Variants in SPTLC2 observed in about 807,000 individuals in gnomAD.
SPTLC2 encodes serine palmitoyltransferase 2.
Under a neutral mutation model 62.0 loss-of-function variants are expected in SPTLC2, and 21 were observed. The observed-to-expected ratio is 0.34, with a 90% CI of 0.24 to 0.49. The LOEUF is 0.49. Ranked by LOEUF, SPTLC2 falls within the 20% of genes least tolerant of loss-of-function variation. The pLI, the probability that SPTLC2 is intolerant of heterozygous loss-of-function variation, is 0.99. For missense variants in SPTLC2, 511 were observed against 713.0 expected, an observed-to-expected ratio of 0.72 and a Z score of 3.23; for synonymous variants, 261 against 261.8, an observed-to-expected ratio of 1.00 and a Z score of 0.03.
chr14:77,582,061 A>T (rs61192964), intron 2 of SPTLC2, among the ~76,000 whole-genome samples: 3,900 of 149,414 alleles, frequency 0.026, 144 homozygotes, highest in African/African-American at 0.09. Context: ...AAAAAAAAAA[A>T]TTTTTTTTTG....
Position 77,551,975 on chromosome 14 carries a change from C to A in SPTLC2, c.1303+121G>T, listed in dbSNP as rs1369628160. 4 of 1,451,322 alleles carry A rather than the reference C, an allele frequency of 2.8e-6. No homozygotes were observed. In the African/African-American group the frequency reaches 5.6e-5, roughly 20 times the overall value. The allele number at this position is 1,451,322 out of a possible 1,614,324, so 89.9% of individuals were successfully genotyped here. ...TAAAAAAGTGTCCATGGAAACCACA[C>A]ACCAGCCAGCTCTGCCTATTAGTAA... On this transcript the variant is annotated intron_variant, in intron 9 of 11. Transcript: ENST00000216484.
At chr14:77,605,055 A>C (rs1343571489) in intron 1 of SPTLC2, among the ~76,000 whole-genome samples, 1 of 152,132 alleles carries the variant, frequency 6.6e-6, no homozygotes, top group African/African-American at 2.4e-5. Context: ...GTTGCTGCCC[A>C]AGCTGGAGTA....
At chr14:77,550,585 A>G (rs28406314) in intron 9 of SPTLC2, among the ~76,000 whole-genome samples, 1 of 146,764 alleles carries the variant, frequency 6.8e-6, no homozygotes, top group Non-Finnish European at 1.5e-5. Flanking sequence ...CAAAAGAAAG[A>G]AAAGGAAAGG....
intron 1 of SPTLC2, among the ~76,000 whole-genome samples, chr14:77,614,420 T>C (rs956808465): frequency 6.6e-6 from 1 of 152,114 alleles, no homozygotes; most frequent in Admixed American, 6.5e-5. Context: ...ATCCCAGCAC[T>C]CTGGGAGGCC....
chr14:77,536,342 C>T (rs963133549), intron 9 of SPTLC2, among the ~76,000 whole-genome samples: 2 of 151,638 alleles, frequency 1.3e-5, no homozygotes, highest in African/African-American at 4.8e-5. Context: ...ACACTGTTTG[C>T]TCACTGTAGG....
chr14:77,535,586 T>C (rs1045858399), intron 9 of SPTLC2: 2 of 165,084 alleles, frequency 1.2e-5, no homozygotes, highest in Non-Finnish European at 2.6e-5. Context: ...CAGACAGAAG[T>C]GTTACAAACA....
chr14:77,567,132 G>T (rs1190404394), intron 5 of SPTLC2, among the ~76,000 whole-genome samples: 1 of 151,892 alleles, frequency 6.6e-6, no homozygotes, highest in East Asian at 1.9e-4. Context: ...CACCACGCCC[G>T]GCTAATTTGT....
intron 9 of SPTLC2, among the ~76,000 whole-genome samples, chr14:77,528,745 A>C (rs1179135103): frequency 6.6e-6 from 1 of 152,162 alleles, no homozygotes; most frequent in South Asian, 2.1e-4. Context: ...GTTATTTCAT[A>C]TCTCTTTCAT....
chr14:77,524,207 C>A (rs961725827), intron 9 of SPTLC2, among the ~76,000 whole-genome samples: 1 of 152,016 alleles, frequency 6.6e-6, no homozygotes, highest in Non-Finnish European at 1.5e-5. Flanking sequence ...GTATGAAACT[C>A]TAAAAAGACA....
intron 2 of SPTLC2, among the ~76,000 whole-genome samples, chr14:77,589,939 T>C (rs2079806489): frequency 6.6e-6 from 1 of 150,460 alleles, no homozygotes; most frequent in African/African-American, 2.5e-5. Flanking sequence ...GATCATGCGA[T>C]TGCACTCCAG....
intron 1 of SPTLC2, among the ~76,000 whole-genome samples, chr14:77,607,740 T>C (rs2079912602): frequency 6.6e-6 from 1 of 152,224 alleles, no homozygotes; most frequent in Non-Finnish European, 1.5e-5. Context: ...TTATATGGGT[T>C]TCCTCTACTA....
chr14:77,607,303 G>A (rs1204702983), intron 1 of SPTLC2, among the ~76,000 whole-genome samples: 1 of 152,268 alleles, frequency 6.6e-6, no homozygotes, highest in East Asian at 1.9e-4. Flanking sequence ...TCATGGGAAA[G>A]CTAAATATCA....
Position 77,512,336 on chromosome 14 carries a change from G to A in SPTLC2, c.1637C>T (p.Pro546Leu), listed in dbSNP as rs780325843. 5 of 1,614,214 alleles carry A rather than the reference G, an allele frequency of 3.1e-6. No homozygotes were observed. Among genetic ancestry groups the A allele is most frequent in the Non-Finnish European group, 4.2e-6 (5 of 1,180,044 alleles). ...QLKYSRHRLVPLLDRPFDETT... is the reference protein window; with the variant it reads ...QLKYSRHRLVLLLDRPFDETT... ...CTCGTCAAAGGGCCTGTCCAGTAGAGGTACCAACCGATGACGGGAATACTT... is the reference window on the plus strand; with the variant it reads ...CTCGTCAAAGGGCCTGTCCAGTAGAAGTACCAACCGATGACGGGAATACTT... The change falls in exon 12 of 12, where the codon CCT (proline) becomes CTT (leucine). Residue 546 changes from proline to leucine, a missense_variant. Coordinates refer to ENST00000216484, the MANE Select transcript of SPTLC2 (RefSeq NM_004863.4).
chr14:77,564,526 G>A (rs1366921608), intron 5 of SPTLC2, among the ~76,000 whole-genome samples: 1 of 151,688 alleles, frequency 6.6e-6, no homozygotes, highest in Non-Finnish European at 1.5e-5. Flanking sequence ...GAGAAGCAGT[G>A]ATACTCCTTC....
chr14:77,518,289 A>G (rs932113190), intron 10 of SPTLC2, 122 bp from the exon 11 acceptor site: 17 of 1,428,960 alleles, frequency 1.2e-5, no homozygotes, highest in Middle Eastern at 3.8e-4. Flanking sequence ...TTCTAATAGG[A>G]GTTTCCTTTA....
chr14:77,545,167 A>G (rs1012047730), intron 9 of SPTLC2, among the ~76,000 whole-genome samples: 3 of 152,212 alleles, frequency 2.0e-5, no homozygotes, highest in Non-Finnish European at 4.4e-5. Context: ...TACAAATAAA[A>G]TATTTAGATA....
intron 6 of SPTLC2, among the ~76,000 whole-genome samples, chr14:77,560,222 G>C (rs757434871): frequency 6.6e-5 from 10 of 152,142 alleles, no homozygotes; most frequent in Admixed American, 1.3e-4. Flanking sequence ...GCATGTGTAT[G>C]TTCATTGTAG....
intron 1 of SPTLC2, among the ~76,000 whole-genome samples, chr14:77,615,126 C>A (rs17752117): frequency 0.039 from 5,898 of 152,258 alleles, 149 homozygotes; most frequent in Middle Eastern, 0.061. Flanking sequence ...AGGAAAACGA[C>A]AAACTATTCC....
chr14:77,616,427 C>T (rs1258127460), intron 1 of SPTLC2, 21 bp downstream of exon 1: 5 of 1,409,006 alleles, frequency 3.5e-6, no homozygotes, highest in Non-Finnish European at 4.6e-6. Flanking sequence ...ACCCCGGCCC[C>T]GCCGCGCGGG....
Sources: allele counts gnomAD v4.1 joint callset (sites outside exome capture counted in the v4.1 genomes callset), GRCh38; gene constraint gnomAD v4.1.1; transcripts MANE v1.5; gene names NCBI Gene and HGNC (gene_info 2026-07-23, HGNC 2026-07-21).